Variants in CNTNAP2 observed in about 807,000 individuals in gnomAD.
CNTNAP2 encodes the protein contactin-associated protein-like 2.
A neutral mutation model predicts 155.2 loss-of-function variants in CNTNAP2; 98 were observed. The ratio of observed to expected loss-of-function variants is 0.63; its 90% CI spans 0.54 to 0.75. The LOEUF is 0.75. Ranked by LOEUF, CNTNAP2 falls within the 30% of genes least tolerant of loss-of-function variation. CNTNAP2 has a pLI of 0.00. For synonymous variants in CNTNAP2, 651 were observed against 631.2 expected (o/e 1.03, Z -0.47); for missense variants, 1,727 against 1,688.1 (o/e 1.02, Z -0.40).
At chr7:147,813,511 G>A (rs1265846772) in intron 13 of CNTNAP2, among the ~76,000 whole-genome samples, 1 of 152,080 alleles carries the variant, frequency 6.6e-6, no homozygotes, top group Admixed American at 6.6e-5. Flanking sequence ...CATCCAACAG[G>A]GTTACCTTCT....
chr7:147,897,407 T>C (rs1174269995), intron 13 of CNTNAP2, among the ~76,000 whole-genome samples: 2 of 152,196 alleles, frequency 1.3e-5, no homozygotes, highest in African/African-American at 4.8e-5. Flanking sequence ...ACTCCACTTT[T>C]ACAGGTGCCC....
At chr7:147,131,991 G>A (rs1801384266) in intron 7 of CNTNAP2, among the ~76,000 whole-genome samples, 1 of 151,972 alleles carries the variant, frequency 6.6e-6, no homozygotes, top group Non-Finnish European at 1.5e-5. Flanking sequence ...CAGGCTGTCT[G>A]GCTGTCAATC....
intron 1 of CNTNAP2, among the ~76,000 whole-genome samples, chr7:146,725,529 GA>G (rs1801416433): frequency 6.6e-6 from 1 of 152,076 alleles, no homozygotes; most frequent in South Asian, 2.1e-4. Flanking sequence ...AGGATGAGAG[GA>G]ACTTAAATTC....
intron 1 of CNTNAP2, among the ~76,000 whole-genome samples, chr7:146,641,598 A>G (rs1799709318): frequency 1.3e-5 from 2 of 151,808 alleles, no homozygotes; most frequent in African/African-American, 4.8e-5. Flanking sequence ...CTACTCTTTA[A>G]TCTCTGGTTA....
intron 3 of CNTNAP2, among the ~76,000 whole-genome samples, chr7:146,931,325 C>T (rs1158106592): frequency 1.3e-5 from 2 of 151,714 alleles, no homozygotes; most frequent in Non-Finnish European, 2.9e-5. Context: ...ACAACCTGCT[C>T]CTGAATGACT....
intron 21 of CNTNAP2, among the ~76,000 whole-genome samples, chr7:148,323,738 G>C (rs1307724361): frequency 1.3e-5 from 2 of 152,160 alleles, no homozygotes; most frequent in Non-Finnish European, 2.9e-5. Flanking sequence ...TTGTGGGTCA[G>C]AAATTAGAGG....
intron 1 of CNTNAP2, among the ~76,000 whole-genome samples, chr7:146,720,105 CTTGTT>C (rs1281500513): frequency 7.9e-5 from 12 of 151,422 alleles, no homozygotes; most frequent in Non-Finnish European, 1.6e-4. Context: ...TCTGTGGACT[CTTGTT>C]TTATTACATT....
Position 147,536,357 on chromosome 7 carries a change from C to CT in CNTNAP2, c.1778-25776dup, listed in dbSNP as rs199962198. Among the ~76,000 whole-genome samples, 741 of 152,298 alleles carry CT rather than the reference C, an allele frequency of 4.9e-3. 8 individuals are homozygous for CT. Among genetic ancestry groups the CT allele is most frequent in the African/African-American group, 0.017 (692 of 41,554 alleles). On this transcript the variant is annotated intron_variant, in intron 11 of 23. Coordinates refer to ENST00000361727, the MANE Select transcript of CNTNAP2 (RefSeq NM_014141.6). ...AAAGTCCCTGCCCTCTTGAAACTTA[C>CT]TTTTTAGTTGGAGAGAAAAAGAAAA...
chr7:146,565,968 C>T (rs1313556387), intron 1 of CNTNAP2, among the ~76,000 whole-genome samples: 1 of 152,220 alleles, frequency 6.6e-6, no homozygotes, highest in Non-Finnish European at 1.5e-5. Flanking sequence ...ACTTACTTTT[C>T]ACTGAATCCT....
chr7:146,211,471 A>G (rs1799034605), intron 1 of CNTNAP2, among the ~76,000 whole-genome samples: 1 of 152,226 alleles, frequency 6.6e-6, no homozygotes, highest in African/African-American at 2.4e-5. Context: ...TTAATGCTGT[A>G]TTTTTAATAT....
At chr7:146,410,031 C>T (rs1584912280) in intron 1 of CNTNAP2, among the ~76,000 whole-genome samples, 1 of 152,154 alleles carries the variant, frequency 6.6e-6, no homozygotes, top group African/African-American at 2.4e-5. Flanking sequence ...CAGAACCTAA[C>T]AATCAAGGAC....
chr7:146,670,415 A>C (rs987690142), intron 1 of CNTNAP2, among the ~76,000 whole-genome samples: 1 of 152,146 alleles, frequency 6.6e-6, no homozygotes, highest in African/African-American at 2.4e-5. Flanking sequence ...GATAGTCCTA[A>C]AATAGAAGCT....
At position 146,720,390 on chromosome 7, in the gene CNTNAP2, G is replaced by A. The variant is rs190290849; in HGVS notation, c.98-53881G>A. On this transcript the variant is annotated intron_variant, in intron 1 of 23. Transcript: ENST00000361727. ...AGACCCTGGTAGCCTCCCTAGAGAAGGCAATTATCTATTATGCTTAGGGGA... is the reference window on the plus strand; with the variant it reads ...AGACCCTGGTAGCCTCCCTAGAGAAAGCAATTATCTATTATGCTTAGGGGA... Among the ~76,000 whole-genome samples the A allele has an allele frequency of 9.3e-3, 1,409 of 152,174 alleles. 12 individuals carry two copies. The highest frequency in any genetic ancestry group is 0.016 in the South Asian group (77 of 4,822).
At chr7:146,900,872 T>C (rs1035550581) in intron 3 of CNTNAP2, among the ~76,000 whole-genome samples, 1 of 152,176 alleles carries the variant, frequency 6.6e-6, no homozygotes, top group Non-Finnish European at 1.5e-5. Context: ...ATTCACTGCT[T>C]AGCATAATTC....
At chr7:148,333,658 G>C (rs1385810817) in intron 21 of CNTNAP2, among the ~76,000 whole-genome samples, 1 of 152,164 alleles carries the variant, frequency 6.6e-6, no homozygotes, top group African/African-American at 2.4e-5. Context: ...ATGTCACTGA[G>C]TTCACCAGAC....
intron 13 of CNTNAP2, among the ~76,000 whole-genome samples, chr7:147,670,624 A>C (rs1795771243): frequency 1.3e-5 from 2 of 152,170 alleles, no homozygotes. Flanking sequence ...AACTTTGGAG[A>C]AGAATCTGGC....
chr7:146,325,433 C>T (rs1260675622), intron 1 of CNTNAP2, among the ~76,000 whole-genome samples: 2 of 151,846 alleles, frequency 1.3e-5, no homozygotes, highest in Non-Finnish European at 2.9e-5. Context: ...ATTTCTCCGG[C>T]CAATGAAAAC....
At chr7:147,464,980 A>AG (rs1563214538) in intron 10 of CNTNAP2, among the ~76,000 whole-genome samples, 1 of 151,644 alleles carries the variant, frequency 6.6e-6, no homozygotes, top group Non-Finnish European at 1.5e-5. Context: ...TGCAGCCATA[A>AG]AAAGAGTAAA....
chr7:146,177,298 C>G (rs950996142), intron 1 of CNTNAP2, among the ~76,000 whole-genome samples: 10 of 152,042 alleles, frequency 6.6e-5, no homozygotes, highest in Non-Finnish European at 2.9e-5. Context: ...GGATAATGTT[C>G]AATTTCTTCA....
Sources: allele counts gnomAD v4.1 joint callset (sites outside exome capture counted in the v4.1 genomes callset), GRCh38; gene constraint gnomAD v4.1.1; transcripts MANE v1.5; gene names NCBI Gene and HGNC (gene_info 2026-07-23, HGNC 2026-07-21).